Variants in NRXN3 observed in about 807,000 individuals in gnomAD.
The protein encoded by NRXN3 is neurexin 3, also known as neurexin III.
Under a neutral mutation model 137.6 loss-of-function variants are expected in NRXN3, and 32 were observed. That is an observed-to-expected ratio of 0.23 (90% CI 0.18 to 0.31). The LOEUF (loss-of-function observed/expected upper bound fraction) is 0.31. NRXN3 is among the 10% of genes least tolerant of loss of function. The pLI is 1.00. For synonymous variants in NRXN3, 798 were observed against 784.5 expected (o/e 1.02, Z -0.29); for missense variants, 1,574 against 2,062.5 (o/e 0.76, Z 4.59).
At chr14:78,424,674 G>A (rs572273444) in intron 4 of NRXN3, among the ~76,000 whole-genome samples, 1 of 152,296 alleles carries the variant, frequency 6.6e-6, no homozygotes, top group African/African-American at 2.4e-5. Context: ...GAGGGAAGCA[G>A]GATGAGATTT....
chr14:79,453,197 G>A (rs888167421), intron 15 of NRXN3, among the ~76,000 whole-genome samples: 5 of 152,126 alleles, frequency 3.3e-5, no homozygotes, highest in African/African-American at 1.2e-4. Flanking sequence ...GGAGGCAGAG[G>A]CAGGTGGAAC....
intron 4 of NRXN3, among the ~76,000 whole-genome samples, chr14:78,330,345 C>T (rs2080651653): frequency 6.6e-6 from 1 of 152,042 alleles, no homozygotes; most frequent in African/African-American, 2.4e-5. Context: ...CCCCCATTCT[C>T]TTTCCTGTTC....
chr14:79,174,052 T>C (rs2062053646), intron 15 of NRXN3, among the ~76,000 whole-genome samples: 1 of 152,204 alleles, frequency 6.6e-6, no homozygotes, highest in Non-Finnish European at 1.5e-5. Flanking sequence ...TGTAATTGTT[T>C]TTGTTTCTCT....
At chr14:79,776,985 G>A (rs1200824076) in intron 19 of NRXN3, among the ~76,000 whole-genome samples, 1 of 152,102 alleles carries the variant, frequency 6.6e-6, no homozygotes, top group Admixed American at 6.6e-5. Flanking sequence ...CTTGCTTTCT[G>A]GCTCCTTCTC....
intron 19 of NRXN3, among the ~76,000 whole-genome samples, chr14:79,787,923 C>T (rs1270263938): frequency 1.3e-5 from 2 of 152,138 alleles, no homozygotes; most frequent in Non-Finnish European, 2.9e-5. Context: ...TTCCTCTCTT[C>T]CACCTTTTGC....
chr14:78,921,688 A>G (rs1410904047), intron 10 of NRXN3, among the ~76,000 whole-genome samples: 1 of 152,224 alleles, frequency 6.6e-6, no homozygotes, highest in Non-Finnish European at 1.5e-5. Context: ...ATTGTCATCT[A>G]GGTTATACAG....
intron 15 of NRXN3, among the ~76,000 whole-genome samples, chr14:79,139,538 T>A (rs1295128219): frequency 6.6e-6 from 1 of 152,168 alleles, no homozygotes; most frequent in Non-Finnish European, 1.5e-5. Context: ...ATATTACACC[T>A]GTCCTGTAAC....
intron 4 of NRXN3, among the ~76,000 whole-genome samples, chr14:78,370,009 A>G (rs995963006): frequency 2.0e-5 from 3 of 151,628 alleles, no homozygotes; most frequent in Non-Finnish European, 4.4e-5. Flanking sequence ...AAATTAGGGT[A>G]TTTGAGGTTC....
chr14:79,661,252 CTT>C (rs1010224015), intron 16 of NRXN3, among the ~76,000 whole-genome samples: 3 of 152,086 alleles, frequency 2.0e-5, no homozygotes, highest in Non-Finnish European at 2.9e-5. Context: ...ACCTGGAACT[CTT>C]TTCCCAGAGA....
At chr14:78,803,554 G>A (rs1407373049) in intron 8 of NRXN3, 66 bp from the exon 9 acceptor site, 17 of 1,474,436 alleles carry the variant, frequency 1.2e-5, no homozygotes, top group Non-Finnish European at 1.0e-5. Context: ...TAGCCTGAAA[G>A]CAAAGGGGTA....
chr14:78,179,120 T>A (rs905919313), intron 1 of NRXN3, among the ~76,000 whole-genome samples: 3 of 151,564 alleles, frequency 2.0e-5, no homozygotes, highest in Admixed American at 6.6e-5. Context: ...TCAGAAGGAG[T>A]TACCTCCTTC....
chr14:79,541,684 T>C (rs1169731365), intron 16 of NRXN3, among the ~76,000 whole-genome samples: 2 of 152,218 alleles, frequency 1.3e-5, no homozygotes, highest in Admixed American at 1.3e-4. Context: ...ACCTTGGAAC[T>C]GTAATTGTGA....
intron 15 of NRXN3, among the ~76,000 whole-genome samples, chr14:79,292,064 C>T (rs1234741492): frequency 6.6e-6 from 1 of 152,166 alleles, no homozygotes; most frequent in South Asian, 2.1e-4. Flanking sequence ...TCTAGTTCTT[C>T]CACTTACTAA....
At chr14:78,362,696 G>T (rs896732595) in intron 4 of NRXN3, among the ~76,000 whole-genome samples, 1 of 152,122 alleles carries the variant, frequency 6.6e-6, no homozygotes, top group Non-Finnish European at 1.5e-5. Context: ...TTGTTTTAAG[G>T]ATATGGTTCA....
intron 7 of NRXN3, among the ~76,000 whole-genome samples, chr14:78,714,484 C>T (rs1428888012): frequency 6.6e-6 from 1 of 152,162 alleles, no homozygotes; most frequent in Non-Finnish European, 1.5e-5. Flanking sequence ...TGTATGGTCT[C>T]AGCCAAGAGG....
chr14:78,521,680 T>C (rs1179781329), intron 4 of NRXN3, among the ~76,000 whole-genome samples: 1 of 152,118 alleles, frequency 6.6e-6, no homozygotes, highest in Non-Finnish European at 1.5e-5. Flanking sequence ...CAAAAACATA[T>C]AAAAACCTTA....
chr14:78,924,584 A>T (rs1256412166), intron 10 of NRXN3, among the ~76,000 whole-genome samples: 2 of 152,162 alleles, frequency 1.3e-5, no homozygotes. Context: ...GGCTGTGCTC[A>T]ATAAATTATT....
intron 10 of NRXN3, among the ~76,000 whole-genome samples, chr14:78,812,038 T>G (rs1328691903): frequency 6.6e-6 from 1 of 152,198 alleles, no homozygotes; most frequent in Non-Finnish European, 1.5e-5. Flanking sequence ...TGAGATACAA[T>G]TTTCATACCA....
chr14:79,538,310 G>C (rs1215276258), intron 16 of NRXN3, among the ~76,000 whole-genome samples: 1 of 152,154 alleles, frequency 6.6e-6, no homozygotes, highest in Admixed American at 6.5e-5. Flanking sequence ...GATCCCATTT[G>C]TTAGTTTTGG....
Sources: allele counts gnomAD v4.1 joint callset (sites outside exome capture counted in the v4.1 genomes callset), GRCh38; gene constraint gnomAD v4.1.1; transcripts MANE v1.5; gene names NCBI Gene and HGNC (gene_info 2026-07-23, HGNC 2026-07-21).